The following PKIB variants were observed in gnomAD, a reference collection of about 807,000 sequenced individuals.
PKIB encodes cAMP-dependent protein kinase inhibitor beta, also known as PKI-beta.
A neutral mutation model predicts 4.5 loss-of-function variants in PKIB; 2 were observed. That is an observed-to-expected ratio of 0.44 (90% CI 0.18 to 1.39). PKIB has a LOEUF of 1.39. Among genes scored for constraint, PKIB ranks in the 40% most tolerant of loss-of-function variants. PKIB has a pLI of 0.27. For missense variants in PKIB, 94 were observed against 92.6 expected, an observed-to-expected ratio of 1.02 and a Z score of -0.06; for synonymous variants, 38 against 36.0, an observed-to-expected ratio of 1.06 and a Z score of -0.20.
rs981005965 is a variant in PKIB at position 122,505,597 on chromosome 6, G to A, written c.-248+27658G>A. On this transcript the variant is annotated intron_variant, in intron 2 of 6. Coordinates refer to the PKIB transcript ENST00000392491. ...AGGGTTTTCGTTTGAAAGTCCATTA[G>A]TAGTTTTGGTGAGAATGTCAGTCTC... Among the ~76,000 whole-genome samples, 11 of 152,316 alleles carry A rather than the reference G, an allele frequency of 7.2e-5. No individual in the cohort carries two copies. In the East Asian group the frequency reaches 2.1e-3, roughly 29 times the overall value.
chr6:122,595,034 A>T lies in PKIB; in HGVS notation c.-161+9027A>T, dbSNP rs143069157. Among the ~76,000 whole-genome samples, 3 of 152,300 alleles carry T rather than the reference A, an allele frequency of 2.0e-5. No homozygotes were observed. In the East Asian group the frequency reaches 5.8e-4, roughly 29 times the overall value. On this transcript the variant is annotated intron_variant, in intron 3 of 6. Transcript: ENST00000392491. ...GATCGTTGTTGCAACTCCTGGTGGC[A>T]GCTTTCCTCCCTCTGGAACTGAGGT...
intron 3 of PKIB, among the ~76,000 whole-genome samples, chr6:122,703,873 C>T (rs577108735): frequency 1.9e-4 from 28 of 143,976 alleles, no homozygotes; most frequent in African/African-American, 5.1e-4. Context: ...TACGTAAGAA[C>T]GGCAAAAATG....
chr6:122,497,202 A>G (rs1776096766), intron 2 of PKIB, among the ~76,000 whole-genome samples: 1 of 152,234 alleles, frequency 6.6e-6, no homozygotes, highest in African/African-American at 2.4e-5. Flanking sequence ...CCTCTAGACC[A>G]GCCTTACAAA....
chr6:122,653,732 G>A (rs1032817102), intron 2 of PKIB, among the ~76,000 whole-genome samples: 13 of 151,876 alleles, frequency 8.6e-5, no homozygotes, highest in African/African-American at 1.5e-4. Context: ...AGGTCGAGGC[G>A]GGCGGATCAT....
chr6:122,677,028 T>A (rs965020363), intron 3 of PKIB, among the ~76,000 whole-genome samples: 2 of 152,214 alleles, frequency 1.3e-5, no homozygotes, highest in African/African-American at 4.8e-5. Context: ...ATTTCATTTG[T>A]AAGCATATAT....
At chr6:122,653,188 A>G (rs749527554) in intron 2 of PKIB, among the ~76,000 whole-genome samples, 1 of 152,202 alleles carries the variant, frequency 6.6e-6, no homozygotes, top group Non-Finnish European at 1.5e-5. Flanking sequence ...AATGTTTAAA[A>G]TGTACTAAAA....
intron 2 of PKIB, among the ~76,000 whole-genome samples, chr6:122,646,128 T>C (rs1053048169): frequency 3.7e-4 from 57 of 152,214 alleles, no homozygotes; most frequent in African/African-American, 1.4e-3. Context: ...AGGTTATCTA[T>C]CTAAGAAGAA....
chr6:122,536,901 CTTTT>C (rs532464253), intron 2 of PKIB, among the ~76,000 whole-genome samples: 1 of 138,894 alleles, frequency 7.2e-6, no homozygotes, highest in Admixed American at 7.3e-5. Flanking sequence ...TCCTTTCTGT[CTTTT>C]TTTTTTTTTT....
At chr6:122,488,361 G>A (rs1280650547) in intron 2 of PKIB, among the ~76,000 whole-genome samples, 1 of 151,834 alleles carries the variant, frequency 6.6e-6, no homozygotes, top group Non-Finnish European at 1.5e-5. Flanking sequence ...TGGCAAACGG[G>A]GAAACCCCCC....
chr6:122,635,020 A>C (rs1180104610), intron 2 of PKIB, among the ~76,000 whole-genome samples: 1 of 152,174 alleles, frequency 6.6e-6, no homozygotes, highest in Admixed American at 6.5e-5. Context: ...AAATAATTTT[A>C]CCCAAACCAT....
chr6:122,482,836 AC>A (rs1321008122), intron 2 of PKIB: 2 of 152,256 alleles, frequency 1.3e-5, no homozygotes, highest in East Asian at 3.9e-4. Context: ...GGTGTGAGCC[AC>A]TGTGCCCGGC....
chr6:122,587,395 A>G (rs1052496967), intron 3 of PKIB, among the ~76,000 whole-genome samples: 33 of 152,124 alleles, frequency 2.2e-4, no homozygotes, highest in Non-Finnish European at 3.7e-4. Flanking sequence ...CATGGTGTAT[A>G]TGTGCCACAT....
chr6:122,703,031 T>G (rs921600576), intron 3 of PKIB, among the ~76,000 whole-genome samples: 1 of 152,174 alleles, frequency 6.6e-6, no homozygotes, highest in Non-Finnish European at 1.5e-5. Flanking sequence ...TTTAAAGCCA[T>G]AATTGTGCAA....
chr6:122,710,962 T>G (rs1779250756), intron 3 of PKIB, among the ~76,000 whole-genome samples: 1 of 152,176 alleles, frequency 6.6e-6, no homozygotes, highest in Non-Finnish European at 1.5e-5. Context: ...AAGGGTTTCT[T>G]CAAATCCGTG....
intron 2 of PKIB, among the ~76,000 whole-genome samples, chr6:122,665,966 T>C (rs1245411898): frequency 6.6e-6 from 1 of 152,218 alleles, no homozygotes; most frequent in Non-Finnish European, 1.5e-5. Flanking sequence ...TTACACTAAG[T>C]ACTTTTCGGA....
At chr6:122,643,027 G>A (rs1368435965) in intron 2 of PKIB, among the ~76,000 whole-genome samples, 5 of 151,870 alleles carry the variant, frequency 3.3e-5, no homozygotes, top group Admixed American at 1.3e-4. Flanking sequence ...ACCTGGTAGG[G>A]GAGAGAACAA....
intron 2 of PKIB, among the ~76,000 whole-genome samples, chr6:122,557,351 T>G (rs1280295092): frequency 6.6e-6 from 1 of 152,142 alleles, no homozygotes; most frequent in Non-Finnish European, 1.5e-5. Flanking sequence ...CATGGGGAGC[T>G]CCCTATAATC....
intron 2 of PKIB, chr6:122,481,609 G>A (rs1775610406): frequency 6.6e-6 from 1 of 152,082 alleles, no homozygotes; most frequent in Non-Finnish European, 1.5e-5. Context: ...GTAGTATATG[G>A]GAGTAAAAAG....
At chr6:122,515,385 T>C (rs1217927675) in intron 2 of PKIB, among the ~76,000 whole-genome samples, 3 of 152,188 alleles carry the variant, frequency 2.0e-5, no homozygotes, top group Non-Finnish European at 4.4e-5. Context: ...AAATACTTTA[T>C]AATTTATAAA....
Sources: allele counts gnomAD v4.1 joint callset (sites outside exome capture counted in the v4.1 genomes callset), GRCh38; gene constraint gnomAD v4.1.1; transcripts MANE v1.5; gene names NCBI Gene and HGNC (gene_info 2026-07-23, HGNC 2026-07-21).